Variants in CCSER1 observed in about 807,000 individuals in gnomAD.
CCSER1 encodes the protein serine-rich coiled-coil domain-containing protein 1.
Under a neutral mutation model 82.0 loss-of-function variants are expected in CCSER1, and 41 were observed. The ratio of observed to expected loss-of-function variants is 0.50; its 90% CI spans 0.39 to 0.65. The LOEUF (loss-of-function observed/expected upper bound fraction) is 0.65, where lower values mean the gene tolerates loss of function less well. CCSER1 is among the 30% of genes least tolerant of loss of function. CCSER1 has a pLI of 0.00. For synonymous variants in CCSER1, 414 were observed against 383.9 expected (o/e 1.08, Z -0.92); for missense variants, 1,119 against 1,064.2 (o/e 1.05, Z -0.72).
At chr4:91,151,977 A>G (rs532045894) in intron 10 of CCSER1, among the ~76,000 whole-genome samples, 4 of 152,320 alleles carry the variant, frequency 2.6e-5, no homozygotes, top group African/African-American at 9.6e-5. Context: ...AGTTCTGTAG[A>G]TGTCTATTAG....
intron 8 of CCSER1, among the ~76,000 whole-genome samples, chr4:90,821,478 A>C (rs1280685398): frequency 6.6e-6 from 1 of 152,192 alleles, no homozygotes; most frequent in Non-Finnish European, 1.5e-5. Flanking sequence ...ATAGTTTAAA[A>C]TATAGGTTCT....
At chr4:91,100,190 T>TAA (rs77422105) in intron 10 of CCSER1, among the ~76,000 whole-genome samples, 45,139 of 149,708 alleles carry the variant, frequency 0.3, 7,731 homozygotes, top group East Asian at 0.45. Flanking sequence ...TTGGGCAAGA[T>TAA]AAAAAAAAAA....
intron 10 of CCSER1, among the ~76,000 whole-genome samples, chr4:91,092,727 T>C (rs1314483958): frequency 1.3e-5 from 2 of 152,176 alleles, no homozygotes; most frequent in African/African-American, 4.8e-5. Flanking sequence ...TTTTATTGTT[T>C]GTCCTCCCTC....
At chr4:91,323,080 A>G (rs529874291) in intron 10 of CCSER1, among the ~76,000 whole-genome samples, 5 of 152,276 alleles carry the variant, frequency 3.3e-5, no homozygotes, top group Admixed American at 3.3e-4. Flanking sequence ...CAAACCAGTA[A>G]AAGAGGAATA....
At chr4:91,253,037 G>A (rs1390374010) in intron 10 of CCSER1, among the ~76,000 whole-genome samples, 1 of 151,730 alleles carries the variant, frequency 6.6e-6, no homozygotes, top group Non-Finnish European at 1.5e-5. Flanking sequence ...GAGGGTGATC[G>A]AGCTACAGTT....
chr4:90,492,866 G>C (rs935157908), intron 5 of CCSER1, among the ~76,000 whole-genome samples: 13 of 152,106 alleles, frequency 8.5e-5, no homozygotes, highest in African/African-American at 3.1e-4. Flanking sequence ...TAGTTTTATT[G>C]CACTGTGATC....
intron 10 of CCSER1, among the ~76,000 whole-genome samples, chr4:91,517,745 CGTGTGTGTGTGTGT>C (rs71579530): frequency 7.4e-5 from 9 of 121,154 alleles, no homozygotes; most frequent in African/African-American, 9.7e-5. Flanking sequence ...AGTTCTTTCT[CGTGTGTGTGTGTGT>C]GTGTGTGTGT....
intron 8 of CCSER1, among the ~76,000 whole-genome samples, chr4:90,879,620 AG>A (rs1720968910): frequency 2.6e-5 from 4 of 151,270 alleles, no homozygotes; most frequent in African/African-American, 4.9e-5. Context: ...GAGGAGGAGG[AG>A]GAGGAGGAAA....
At chr4:90,374,733 T>C (rs1748022799) in intron 3 of CCSER1, among the ~76,000 whole-genome samples, 1 of 152,178 alleles carries the variant, frequency 6.6e-6, no homozygotes, top group South Asian at 2.1e-4. Flanking sequence ...TGGTATTTTT[T>C]CAGATTACAA....
chr4:90,280,216 A>G (rs1379786528), intron 1 of CCSER1, among the ~76,000 whole-genome samples: 2 of 152,042 alleles, frequency 1.3e-5, no homozygotes, highest in Non-Finnish European at 2.9e-5. Context: ...GAAGTAGTAA[A>G]GTCACTACAG....
At chr4:90,527,317 T>C (rs1578971553) in intron 5 of CCSER1, among the ~76,000 whole-genome samples, 1 of 152,164 alleles carries the variant, frequency 6.6e-6, no homozygotes, top group Non-Finnish European at 1.5e-5. Flanking sequence ...AAGAAGATAT[T>C]TATGTGGCCA....
intron 3 of CCSER1, among the ~76,000 whole-genome samples, chr4:90,315,039 G>T (rs952297658): frequency 6.6e-6 from 1 of 151,514 alleles, no homozygotes; most frequent in African/African-American, 2.4e-5. Context: ...CAGAGAGGGG[G>T]TTTCACCATG....
intron 10 of CCSER1, among the ~76,000 whole-genome samples, chr4:91,203,869 A>G (rs552846400): frequency 6.6e-6 from 1 of 151,874 alleles, no homozygotes; most frequent in Admixed American, 6.6e-5. Flanking sequence ...ATTAGATCTG[A>G]GAGTTTAATA....
At chr4:90,166,624 T>G (rs1157561541) in intron 1 of CCSER1, among the ~76,000 whole-genome samples, 1 of 152,040 alleles carries the variant, frequency 6.6e-6, no homozygotes, top group Non-Finnish European at 1.5e-5. Context: ...TATAATTCAA[T>G]TAAGCCTTCT....
intron 6 of CCSER1, among the ~76,000 whole-genome samples, chr4:90,654,204 A>G (rs1243533702): frequency 1.3e-5 from 2 of 152,132 alleles, no homozygotes; most frequent in East Asian, 3.9e-4. Context: ...TATAAAATTG[A>G]AATCCGATTA....
intron 9 of CCSER1, among the ~76,000 whole-genome samples, chr4:90,938,382 T>G (rs1731210565): frequency 1.3e-5 from 2 of 152,116 alleles, no homozygotes; most frequent in African/African-American, 4.8e-5. Flanking sequence ...CTTGTTTTTG[T>G]ACTCTAATTA....
At chr4:90,341,322 T>A (rs1375070516) in intron 3 of CCSER1, among the ~76,000 whole-genome samples, 4 of 152,224 alleles carry the variant, frequency 2.6e-5, no homozygotes, top group African/African-American at 4.8e-5. Flanking sequence ...GAAAAATATC[T>A]CTTCTTGTAA....
At chr4:91,353,287 G>A (rs1459112639) in intron 10 of CCSER1, among the ~76,000 whole-genome samples, 1 of 141,352 alleles carries the variant, frequency 7.1e-6, no homozygotes, top group African/African-American at 2.5e-5. Context: ...ACATGAAAGG[G>A]TCGTGATTGA....
chr4:90,672,041 A>G (rs985629687), intron 6 of CCSER1, among the ~76,000 whole-genome samples: 2 of 152,010 alleles, frequency 1.3e-5, no homozygotes, highest in East Asian at 1.9e-4. Context: ...CATTAAACAG[A>G]TATGTTGTTA....
Sources: gnomAD v4.1 joint callset for allele counts (sites outside exome capture counted in the v4.1 genomes callset) on GRCh38, gnomAD v4.1.1 for gene constraint, MANE v1.5 for transcripts, NCBI Gene and HGNC (gene_info 2026-07-23, HGNC 2026-07-21) for gene names.